SYNE1: variants seen among roughly 807,000 people sequenced by gnomAD.
SYNE1 encodes the protein nesprin-1.
In SYNE1, 616 loss-of-function variants were observed where a neutral mutation model predicts 1,111.0. That is an observed-to-expected ratio of 0.55 (90% confidence interval 0.52 to 0.59). The LOEUF (loss-of-function observed/expected upper bound fraction) is 0.59. Ranked by LOEUF, SYNE1 falls within the 20% of genes least tolerant of loss-of-function variation. SYNE1 has a pLI of 0.00. For missense variants in SYNE1, 10,006 were observed against 10,417.0 expected (o/e 0.96, Z 1.72); for synonymous variants, 3,855 against 3,825.8 (o/e 1.01, Z -0.28).
chr6:152,199,022 C>G (rs969056513), intron 127 of SYNE1, among the ~76,000 whole-genome samples: 4 of 144,830 alleles, frequency 2.8e-5, no homozygotes, highest in Non-Finnish European at 6.1e-5. Flanking sequence ...AAAAACAAAA[C>G]ATAGGATCTG....
chr6:152,230,687 C>T lies in SYNE1; in HGVS notation c.21055G>A (p.Gly7019Ser), dbSNP rs1239497975. Residue 7019 changes from glycine (G) to serine (S), a missense_variant, in exon 115 of 146, where the codon GGC (glycine) becomes AGC (serine). Transcript: ENST00000367255. ...TATTCTGACCAAGATTCCAATAAGC[C>T]TTCCAACAGCTGGATCTGAACAAAC... ...LVTEKIQLLE[G>S]LLESWSEYEN... The T allele has an allele frequency of 1.2e-6, 2 of 1,613,924 alleles. No individual in the cohort carries two copies.
At position 152,352,073 on chromosome 6, in the gene SYNE1, G is replaced by C; in HGVS notation, c.11534C>G (p.Pro3845Arg). ...TTTTTTCTCATATAATTCCATTTTG[G>C]GTTCTTCAGGAACATGTAGAATTTC... is the stretch of plus-strand genomic sequence containing the variant. ...YQEILHVPEEPKMELYEKKAQ... is the reference protein window; with the variant it reads ...YQEILHVPEERKMELYEKKAQ... Residue 3845 changes from proline to arginine, a missense_variant, in exon 70 of 146, where the codon CCC becomes CGC. Pro to Arg is a moderately radical substitution (Grantham distance 103). Around this residue, in one of 7 missense-constraint regions of SYNE1, gnomAD observed 4,955 missense variants for 5,017.2 expected, o/e 0.99. Coordinates refer to ENST00000367255, the MANE Select transcript of SYNE1 (RefSeq NM_182961.4). The C allele has an allele frequency of 6.2e-7, 1 of 1,614,056 alleles. No individual in the cohort carries two copies.
At chr6:152,208,384 A>T (rs1319962445) in intron 124 of SYNE1, among the ~76,000 whole-genome samples, 178 bp from the exon 125 acceptor site, 2 of 152,152 alleles carry the variant, frequency 1.3e-5, no homozygotes, top group African/African-American at 4.8e-5. Flanking sequence ...ATTAATTTTT[A>T]AAATTAAACC....
chr6:152,207,588 C>T (rs1284486008), intron 125 of SYNE1, among the ~76,000 whole-genome samples: 2 of 152,230 alleles, frequency 1.3e-5, no homozygotes, highest in African/African-American at 4.8e-5. Context: ...GAACAAAGAA[C>T]TCAAACAGGA....
At chr6:152,607,487 T>C (rs2099619269) in intron 3 of SYNE1, among the ~76,000 whole-genome samples, 1 of 151,930 alleles carries the variant, frequency 6.6e-6, no homozygotes, top group African/African-American at 2.4e-5. Context: ...AAAAACACAA[T>C]GAGATATCAT....
chr6:152,401,449 A>C, intron 46 of SYNE1, 108 bp from the exon 47 acceptor site: 14 of 1,099,664 alleles, frequency 1.3e-5, no homozygotes, highest in Non-Finnish European at 1.9e-5. Context: ...CACAAGTCTC[A>C]TCATGGAAGC....
chr6:152,558,876 C>G (rs1281466881), intron 3 of SYNE1, among the ~76,000 whole-genome samples: 1 of 152,108 alleles, frequency 6.6e-6, no homozygotes. Context: ...CATCCAGCAA[C>G]AGCAGAATAC....
At chr6:152,634,032 T>C (rs1215079334) in intron 2 of SYNE1, among the ~76,000 whole-genome samples, 1 of 152,282 alleles carries the variant, frequency 6.6e-6, no homozygotes, top group East Asian at 1.9e-4. Flanking sequence ...ATAGCACAAC[T>C]CAATTTTTTC....
chr6:152,310,635 T>A, intron 88 of SYNE1, 53 bp downstream of exon 88: 2 of 1,609,604 alleles, frequency 1.2e-6, no homozygotes, highest in Non-Finnish European at 1.7e-6. Flanking sequence ...GCATTGCCAT[T>A]TTCTTTCAAT....
At chr6:152,199,637 T>A (rs1032290985) in intron 127 of SYNE1, among the ~76,000 whole-genome samples, 2 of 152,212 alleles carry the variant, frequency 1.3e-5, no homozygotes, top group African/African-American at 4.8e-5. Context: ...TTCCAGCTAG[T>A]TTTGTGTATA....
At chr6:152,268,698 G>A (rs1311034344) in intron 99 of SYNE1, among the ~76,000 whole-genome samples, 4 of 151,998 alleles carry the variant, frequency 2.6e-5, no homozygotes, top group Non-Finnish European at 5.9e-5. Flanking sequence ...AAGTTCATTT[G>A]TTTCACTAGG....
chr6:152,530,466 T>C (rs978286962), intron 4 of SYNE1, among the ~76,000 whole-genome samples: 1 of 118,028 alleles, frequency 8.5e-6, no homozygotes, highest in African/African-American at 2.9e-5. Context: ...CCTAATTGTA[T>C]GGTTTTTTTT....
chr6:152,486,198 TA>T (rs930946003), intron 12 of SYNE1, among the ~76,000 whole-genome samples: 1 of 138,914 alleles, frequency 7.2e-6, no homozygotes, highest in East Asian at 2.2e-4. Context: ...ACACTCTGAC[TA>T]AAAAAAATAT....
At chr6:152,551,710 T>C (rs1175961324) in intron 3 of SYNE1, among the ~76,000 whole-genome samples, 8 of 152,200 alleles carry the variant, frequency 5.3e-5, no homozygotes, top group Admixed American at 2.6e-4. Context: ...TTTGCTACAA[T>C]GGAAGCTAAG....
intron 87 of SYNE1, 133 bp downstream of exon 87, chr6:152,316,716 G>A: frequency 2.1e-6 from 2 of 950,534 alleles, no homozygotes; most frequent in Non-Finnish European, 3.3e-6. Context: ...ACAACTTAGG[G>A]GTACCTTAGC....
intron 3 of SYNE1, among the ~76,000 whole-genome samples, chr6:152,611,472 T>C (rs1327653239): frequency 7.9e-5 from 12 of 152,194 alleles, no homozygotes; most frequent in African/African-American, 2.9e-4. Flanking sequence ...ATGCACCCAA[T>C]ACAGGAGCAC....
chr6:152,157,216 T>C lies in SYNE1; in HGVS notation c.23791-1119A>G, dbSNP rs537355085. 6.6e-5 allele frequency among the ~76,000 whole-genome samples: 10 copies of C among 152,326 alleles called. No individual in the cohort carries two copies. In the South Asian group the frequency reaches 1.4e-3, roughly 22 times the overall value. ...ACGAACAAATAAAGAAAAAGTGGCA[T>C]ATATATACACAATGGAATATTATTC... On this transcript the variant is annotated intron_variant, in intron 131 of 145. Transcript: ENST00000367255.
intron 3 of SYNE1, among the ~76,000 whole-genome samples, chr6:152,541,440 G>T (rs1222460092): frequency 6.6e-6 from 1 of 152,072 alleles, no homozygotes; most frequent in African/African-American, 2.4e-5. Flanking sequence ...GTTACAAGTT[G>T]TTGGTGTATA....
At chr6:152,629,395 G>A (rs1007320768) in intron 2 of SYNE1, among the ~76,000 whole-genome samples, 6 of 151,306 alleles carry the variant, frequency 4.0e-5, no homozygotes, top group East Asian at 1.9e-4. Flanking sequence ...TAGTAGAGAC[G>A]GGGTTTCACC....
Sources: gnomAD v4.1 joint callset for allele counts (sites outside exome capture counted in the v4.1 genomes callset) on GRCh38, gnomAD v4.1.1 for gene constraint, gnomAD v4.1.1 regional missense constraint, MANE v1.5 for transcripts, NCBI Gene and HGNC (gene_info 2026-07-23, HGNC 2026-07-21) for gene names.